The following EDNRB variants were observed in gnomAD, a reference collection of about 807,000 sequenced individuals.
EDNRB encodes Hirschsprung disease 2.
Under a neutral mutation model 46.4 loss-of-function variants are expected in EDNRB, and 18 were observed. The ratio of observed to expected loss-of-function variants is 0.39; its 90% CI spans 0.27 to 0.57. The LOEUF (loss-of-function observed/expected upper bound fraction) is 0.57, where lower values mean the gene tolerates loss of function less well. Among genes scored for constraint, EDNRB ranks in the 20% least tolerant of loss-of-function variants. The pLI, the probability that EDNRB is intolerant of heterozygous loss-of-function variation, is 0.61. For missense variants in EDNRB, 434 were observed against 537.5 expected (o/e 0.81, Z 1.90); for synonymous variants, 213 against 204.9 (o/e 1.04, Z -0.34).
chr13:77,961,953 C>G (rs149080132), intron 1 of EDNRB, among the ~76,000 whole-genome samples: 5,261 of 152,104 alleles, frequency 0.035, 157 homozygotes, highest in East Asian at 0.087. Context: ...GGGATATCAC[C>G]ACCAATCCCA....
intron 1 of EDNRB, among the ~76,000 whole-genome samples, chr13:77,963,703 G>T (rs1368922472): frequency 6.6e-6 from 1 of 152,146 alleles, no homozygotes; most frequent in Non-Finnish European, 1.5e-5. Context: ...TCAGGACGGA[G>T]GCATGGGCAA....
At chr13:77,919,666 C>G, upstream of EDNRB, 1 of 1,518,364 alleles carries the variant, frequency 6.6e-7, no homozygotes, top group Non-Finnish European at 8.9e-7. Flanking sequence ...CTTCCGACCC[C>G]GCTGCAACCT....
chr13:77,941,524 A>C (rs1797282459), intron 1 of EDNRB, among the ~76,000 whole-genome samples: 1 of 152,236 alleles, frequency 6.6e-6, no homozygotes, highest in African/African-American at 2.4e-5. Flanking sequence ...ACACTTTCAT[A>C]AGTTCACAAG....
At chr13:77,943,207 A>T (rs555222550) in intron 1 of EDNRB, among the ~76,000 whole-genome samples, 29 of 152,256 alleles carry the variant, frequency 1.9e-4, no homozygotes, top group African/African-American at 6.5e-4. Flanking sequence ...ATAGTAATTG[A>T]CTTACCTAAA....
intron 1 of EDNRB, among the ~76,000 whole-genome samples, chr13:77,936,191 G>C (rs1880557885): frequency 6.6e-6 from 1 of 152,132 alleles, no homozygotes; most frequent in Non-Finnish European, 1.5e-5. Flanking sequence ...GGAGATACAA[G>C]GGGAGGATGT....
chr13:77,898,097 T>C lies in EDNRB; in HGVS notation c.*103A>G. Reference sequence around the variant, plus strand: ...CACTTAATATTTTAATAGTGTGCTGTGCAAATACATAGTTTTTTGTTTTGT... The same window carrying C: ...CACTTAATATTTTAATAGTGTGCTGCGCAAATACATAGTTTTTTGTTTTGT... On this transcript the variant is annotated 3_prime_UTR_variant, in exon 7 of 7. Coordinates refer to ENST00000646607, the MANE Select transcript of EDNRB (RefSeq NM_001122659.3). 2.6e-6 allele frequency: 4 copies of C among 1,534,572 alleles called. No individual in the cohort carries two copies. Among genetic ancestry groups the C allele is most frequent in the Non-Finnish European group, 2.6e-6 (3 of 1,142,390 alleles).
Position 77,896,686 on chromosome 13 carries a change from C to T in EDNRB, c.*1514G>A. The T allele has an allele frequency of 6.9e-7, 1 of 1,447,734 alleles. No individual in the cohort carries two copies. Among genetic ancestry groups the T allele is most frequent in the Non-Finnish European group, 9.0e-7 (1 of 1,106,448 alleles). 89.7% of individuals were successfully genotyped at this position (1,447,734 alleles called of 1,614,324 possible). On this transcript the variant is annotated 3_prime_UTR_variant, in exon 7 of 7. Coordinates refer to ENST00000646607, the MANE Select transcript of EDNRB (RefSeq NM_001122659.3). ...GTGTTTTGCTGGAACAAAATCAGGA[C>T]CTTTTGCATTGATGTGACGAGGCAA...
Position 77,918,826 on chromosome 13 carries a change from T to C in EDNRB, c.-253A>G, listed in dbSNP as rs1375825996. ...CCTTCCTGATGCCCTCTCAGCTGTT[T>C]TTCTTCCCCCGCGTGGCCAGGAGGG... On this transcript the variant is annotated 5_prime_UTR_variant, in exon 1 of 7. Transcript: ENST00000646607. The surrounding 1 kb of genome is among the most constrained non-coding windows in gnomAD (Gnocchi z 4.5). 7.7e-7 allele frequency: 1 copy of C among 1,299,658 alleles called. No homozygotes were observed. Among genetic ancestry groups the C allele is most frequent in the Non-Finnish European group, 9.7e-7 (1 of 1,028,342 alleles). 80.5% of individuals were successfully genotyped at this position (1,299,658 alleles called of 1,614,324 possible).
intron 1 of EDNRB, among the ~76,000 whole-genome samples, chr13:77,940,429 A>C (rs902540450): frequency 6.6e-6 from 1 of 152,144 alleles, no homozygotes; most frequent in African/African-American, 2.4e-5. Context: ...AGAAAAATGG[A>C]ATACCTTCAT....
At chr13:77,945,479 T>C (rs9544644) in intron 1 of EDNRB, among the ~76,000 whole-genome samples, 150,139 of 152,270 alleles carry the variant, frequency 0.99, 74,060 homozygotes, top group Middle Eastern at 1. Flanking sequence ...TTCTTGGACC[T>C]ATCAGAGAAC....
At chr13:77,956,623 A>G (rs1293394033) in intron 1 of EDNRB, among the ~76,000 whole-genome samples, 2 of 152,240 alleles carry the variant, frequency 1.3e-5, no homozygotes, top group Admixed American at 1.3e-4. Flanking sequence ...GTGGCTAAAA[A>G]TAGCACAAAT....
chr13:77,918,752 C>A lies in EDNRB; in HGVS notation c.-179G>T, dbSNP rs1879954285. 2 of 1,328,450 alleles carry A rather than the reference C, an allele frequency of 1.5e-6. No individual in the cohort carries two copies. Among genetic ancestry groups the A allele is most frequent in the Non-Finnish European group, 1.9e-6 (2 of 1,044,400 alleles). The allele number at this position is 1,328,450 out of a possible 1,614,324, so 82.3% of individuals were successfully genotyped here. A position where few individuals can be genotyped will look rare whatever the true frequency, so the allele number is the denominator to read the frequency against. On this transcript the variant is annotated 5_prime_UTR_variant, in exon 1 of 7. Coordinates refer to ENST00000646607, the MANE Select transcript of EDNRB (RefSeq NM_001122659.3). This position sits in a 1 kb window ranked among gnomAD's most constrained non-coding sequence, Gnocchi z 4.5. ...CGCTCAAAAGTAACTCAAGTTTGCG[C>A]GCCAGTGGGAAACTTGGCGCTCATG... is the stretch of plus-strand genomic sequence containing the variant.
Position 77,918,673 on chromosome 13 carries a change from G to A in EDNRB, c.-100C>T. 6.9e-7 allele frequency: 1 copy of A among 1,450,030 alleles called. No individual in the cohort carries two copies. Among genetic ancestry groups the A allele is most frequent in the Non-Finnish European group, 9.0e-7 (1 of 1,109,158 alleles). 89.8% of individuals were successfully genotyped at this position (1,450,030 alleles called of 1,614,324 possible). ...GACAGGACACTTGGGTCAGCTGCCC[G>A]AGCCAAGTCGCTGCAAACGCTAATA... On this transcript the variant is annotated 5_prime_UTR_variant, in exon 1 of 7. Coordinates refer to ENST00000646607, the MANE Select transcript of EDNRB (RefSeq NM_001122659.3). The surrounding 1 kb of genome is among the most constrained non-coding windows in gnomAD (Gnocchi z 4.5).
intron 6 of EDNRB, among the ~76,000 whole-genome samples, chr13:77,898,915 C>T (rs369263658): frequency 6.1e-4 from 92 of 151,982 alleles, no homozygotes; most frequent in African/African-American, 2.0e-3. Context: ...ATTTTTTCAG[C>T]CATGTATTCT....
At position 77,899,864 on chromosome 13, in the gene EDNRB, A is replaced by C. The variant is rs1378362046; in HGVS notation, c.1189T>G (p.Phe397Val). 5.0e-6 allele frequency: 8 copies of C among 1,610,992 alleles called. No homozygotes were observed. Among genetic ancestry groups the C allele is most frequent in the Admixed American group, 1.7e-5 (1 of 59,790 alleles). Residue 397 changes from phenylalanine to valine, a missense_variant, in exon 6 of 7, where the codon TTT becomes GTT. Coordinates refer to ENST00000646607, the MANE Select transcript of EDNRB (RefSeq NM_001122659.3). Reference sequence around the variant, plus strand: ...ATTTTGGGATAGTCTCTTACCTTAAAGCAGTTTTTGAATCTTTTGCTCACC... The same window carrying C: ...ATTTTGGGATAGTCTCTTACCTTAACGCAGTTTTTGAATCTTTTGCTCACC... The part of the protein sequence containing the change: ...YLVSKRFKNC[F>V]KSCLCCWCQS...
chr13:77,934,411 A>G (rs984962796), intron 1 of EDNRB, among the ~76,000 whole-genome samples: 3 of 152,184 alleles, frequency 2.0e-5, no homozygotes, highest in Non-Finnish European at 2.9e-5. Context: ...TACGAGCCTG[A>G]AAAACTGCTT....
chr13:77,911,955 G>A (rs1879592397), intron 1 of EDNRB, among the ~76,000 whole-genome samples: 1 of 151,992 alleles, frequency 6.6e-6, no homozygotes. Flanking sequence ...GGCTTTATCT[G>A]TCAACACCCT....
chr13:77,908,983 T>C (rs1165220018), intron 1 of EDNRB, among the ~76,000 whole-genome samples: 2 of 152,044 alleles, frequency 1.3e-5, no homozygotes, highest in Non-Finnish European at 2.9e-5. Flanking sequence ...ATAGCTGTTG[T>C]TAGTGTTAAG....
chr13:77,919,531 C>T (rs773347747), upstream of EDNRB: 3 of 1,612,592 alleles, frequency 1.9e-6, no homozygotes, highest in Non-Finnish European at 2.5e-6. Flanking sequence ...CCGGCTCTGA[C>T]GAAACGCTGC....
Sources: gnomAD v4.1 joint callset for allele counts (sites outside exome capture counted in the v4.1 genomes callset) on GRCh38, gnomAD v4.1.1 for gene constraint, Gnocchi (gnomAD v3.1) non-coding constraint, MANE v1.5 for transcripts, NCBI Gene and HGNC (gene_info 2026-07-23, HGNC 2026-07-21) for gene names.